CORIN: variants seen among roughly 807,000 people sequenced by gnomAD.
CORIN encodes the protein atrial natriuretic peptide-converting enzyme.
CORIN carries 117 observed loss-of-function variants against 125.3 expected under a neutral mutation model. The ratio of observed to expected loss-of-function variants is 0.93; its 90% CI spans 0.80 to 1.09. CORIN has a LOEUF of 1.09. Among genes scored for constraint, CORIN ranks in the 50% least tolerant of loss-of-function variants. The pLI, the probability that CORIN is intolerant of heterozygous loss-of-function variation, is 0.00. For missense variants in CORIN, 1,253 were observed against 1,306.7 expected, an observed-to-expected ratio of 0.96 and a Z score of 0.63; for synonymous variants, 450 against 466.4, an observed-to-expected ratio of 0.96 and a Z score of 0.45.
At chr4:47,701,296 T>C (rs550891417) in intron 5 of CORIN, among the ~76,000 whole-genome samples, 1 of 152,320 alleles carries the variant, frequency 6.6e-6, no homozygotes, top group South Asian at 2.1e-4. Context: ...GTCAAACAAA[T>C]GTTCAGAGAA....
intron 5 of CORIN, among the ~76,000 whole-genome samples, chr4:47,728,314 A>C (rs537450793): frequency 6.6e-6 from 1 of 152,310 alleles, no homozygotes; most frequent in East Asian, 1.9e-4. Context: ...AGCTTAAAGA[A>C]TAATGTTCAC....
chr4:47,603,710 G>C, intron 19 of CORIN, 42 bp from the exon 20 acceptor site: 1 of 1,580,774 alleles, frequency 6.3e-7, no homozygotes, highest in Non-Finnish European at 8.6e-7. Context: ...TTAAACTCTA[G>C]TTTATCATGT....
intron 5 of CORIN, among the ~76,000 whole-genome samples, chr4:47,708,865 G>A (rs1212034711): frequency 1.3e-5 from 2 of 152,178 alleles, no homozygotes; most frequent in African/African-American, 4.8e-5. Context: ...ACTGCTGTTA[G>A]ATCCTACTCC....
At chr4:47,790,228 T>C (rs1731013637) in intron 2 of CORIN, 4 of 984,908 alleles carry the variant, frequency 4.1e-6, no homozygotes, top group South Asian at 4.7e-5. Flanking sequence ...TACCTCTTCA[T>C]GGGGCTGGCT....
Position 47,802,827 on chromosome 4 carries a change from T to G in CORIN, c.208+4076A>C, listed in dbSNP as rs1168420578. Among the ~76,000 whole-genome samples, 8 of 152,294 alleles carry G rather than the reference T, an allele frequency of 5.3e-5. No individual in the cohort carries two copies. In the East Asian group the frequency reaches 1.4e-3, roughly 26 times the overall value. On this transcript the variant is annotated intron_variant, in intron 2 of 21. Transcript: ENST00000273857. ...GGGTAAGACTCAGTGTTGTGCTGGC[T>G]TCAAGTCTCAACTAGCACAGTCCCA...
intron 6 of CORIN, 53 bp from the exon 7 acceptor site, chr4:47,683,891 T>C: frequency 7.6e-7 from 1 of 1,323,200 alleles, no homozygotes; most frequent in Middle Eastern, 1.8e-4. Context: ...AGAATGCTAT[T>C]GTAGTACGAT....
chr4:47,761,754 GAC>G (rs1729471136), intron 4 of CORIN, among the ~76,000 whole-genome samples: 1 of 152,050 alleles, frequency 6.6e-6, no homozygotes, highest in Non-Finnish European at 1.5e-5. Context: ...TTGGTCAAAT[GAC>G]ACAAAATTAC....
chr4:47,735,942 TAAAA>T (rs749270493), intron 5 of CORIN, among the ~76,000 whole-genome samples: 13 of 96,408 alleles, frequency 1.3e-4, no homozygotes, highest in Admixed American at 1.1e-4. Context: ...GACTCCATCT[TAAAA>T]AAAAAAAAAA....
At chr4:47,816,110 T>A (rs1732256249) in intron 1 of CORIN, among the ~76,000 whole-genome samples, 1 of 152,238 alleles carries the variant, frequency 6.6e-6, no homozygotes, top group Non-Finnish European at 1.5e-5. Flanking sequence ...TTTTATGCTC[T>A]ACAACAATTC....
intron 8 of CORIN, 75 bp from the exon 9 acceptor site, chr4:47,678,129 GC>G: frequency 1.0e-6 from 1 of 986,944 alleles, no homozygotes; most frequent in Non-Finnish European, 1.6e-6. Context: ...ATAAGCAACA[GC>G]CATTTATCAA....
intron 10 of CORIN, among the ~76,000 whole-genome samples, chr4:47,672,296 T>G (rs1315880413): frequency 2.0e-5 from 3 of 152,196 alleles, no homozygotes; most frequent in African/African-American, 7.2e-5. Flanking sequence ...AATTTATTCT[T>G]TTGACAGGAG....
chr4:47,656,913 T>G (rs981918532), intron 12 of CORIN, among the ~76,000 whole-genome samples: 4 of 152,176 alleles, frequency 2.6e-5, no homozygotes, highest in African/African-American at 9.7e-5. Flanking sequence ...GCTACAGAAC[T>G]GATAAACAAA....
chr4:47,834,779 A>C (rs1733294266), intron 1 of CORIN, among the ~76,000 whole-genome samples: 1 of 152,136 alleles, frequency 6.6e-6, no homozygotes, highest in African/African-American at 2.4e-5. Context: ...CCAATACTTC[A>C]ATAAAGTAGT....
Position 47,674,467 on chromosome 4 carries a change from C to G in CORIN, c.1283G>C (p.Cys428Ser), listed in dbSNP as rs750851249. ...TGAATCAAGGCAGGGATTGTAGAGGCATCTTTGGTCTCCTTCTTGACATGA... is the reference window on the plus strand; with the variant it reads ...TGAATCAAGGCAGGGATTGTAGAGGGATCTTTGGTCTCCTTCTTGACATGA... ...QTSCQEGDQR[C>S]LYNPCLDSCG... Residue 428 changes from cysteine (C) to serine (S), a missense_variant, in exon 10 of 22, where the codon TGC becomes TCC. Coordinates refer to ENST00000273857, the MANE Select transcript of CORIN (RefSeq NM_006587.4). The G allele has an allele frequency of 6.2e-7, 1 of 1,613,882 alleles. No homozygotes were observed. Among genetic ancestry groups the G allele is most frequent in the South Asian group, 1.1e-5 (1 of 91,084 alleles).
At chr4:47,780,581 A>G (rs73150664) in intron 3 of CORIN, among the ~76,000 whole-genome samples, 218 of 152,090 alleles carry the variant, frequency 1.4e-3, no homozygotes, top group African/African-American at 5.0e-3. Flanking sequence ...AAACACTGGG[A>G]AAAAAAACTG....
intron 5 of CORIN, among the ~76,000 whole-genome samples, chr4:47,721,492 C>T (rs1727349645): frequency 6.6e-6 from 1 of 152,188 alleles, no homozygotes. Context: ...TGGTCTCGAA[C>T]TCCTGACCTC....
chr4:47,656,487 T>C (rs1193835138), intron 12 of CORIN, among the ~76,000 whole-genome samples: 1 of 152,064 alleles, frequency 6.6e-6, no homozygotes, highest in Non-Finnish European at 1.5e-5. Flanking sequence ...TGATGTAACA[T>C]ATGCAAATCA....
At chr4:47,600,591 G>A (rs1006244596) in intron 20 of CORIN, among the ~76,000 whole-genome samples, 17 of 151,996 alleles carry the variant, frequency 1.1e-4, no homozygotes, top group African/African-American at 4.1e-4. Context: ...GTAAACCAAG[G>A]CCTAGACTGG....
intron 1 of CORIN, among the ~76,000 whole-genome samples, chr4:47,829,600 G>T (rs1732889133): frequency 6.6e-6 from 1 of 152,200 alleles, no homozygotes; most frequent in East Asian, 1.9e-4. Context: ...GTCATCTAAA[G>T]TGGGGGCAGT....
Sources: allele counts gnomAD v4.1 joint callset (sites outside exome capture counted in the v4.1 genomes callset), GRCh38; gene constraint gnomAD v4.1.1; transcripts MANE v1.5; gene names NCBI Gene and HGNC (gene_info 2026-07-23, HGNC 2026-07-21).